SLIT3: variants seen among roughly 807,000 people sequenced by gnomAD.
SLIT3 encodes slit homolog 3 protein.
Under a neutral mutation model 184.0 loss-of-function variants are expected in SLIT3, and 68 were observed. The ratio of observed to expected loss-of-function variants is 0.37; its 90% confidence interval spans 0.30 to 0.45. The LOEUF is 0.45. Ranked by LOEUF, SLIT3 falls within the 20% of genes least tolerant of loss-of-function variation. The probability of loss-of-function intolerance (pLI) is 1.00; values close to 1 mark genes in which losing one functional copy is unlikely to be tolerated. For synonymous variants in SLIT3, 831 were observed against 828.6 expected, an observed-to-expected ratio of 1.00 and a Z score of -0.05; for missense variants, 1,707 against 2,026.0, an observed-to-expected ratio of 0.84 and a Z score of 3.02.
intron 9 of SLIT3, among the ~76,000 whole-genome samples, chr5:168,796,896 C>G (rs1253980915): frequency 6.6e-6 from 1 of 151,882 alleles, no homozygotes; most frequent in Non-Finnish European, 1.5e-5. Flanking sequence ...ACAGACAAAT[C>G]ACTCTCCAGG....
intron 4 of SLIT3, among the ~76,000 whole-genome samples, chr5:168,897,647 T>TGCGCACACACACACACACACACACAC (rs3223457): frequency 7.8e-5 from 11 of 141,412 alleles, no homozygotes; most frequent in African/African-American, 2.1e-4. Flanking sequence ...CAGGTGCACG[T>TGCGCACACACACACACACACACACAC]ACACACACAC....
rs150386652 is a variant in SLIT3, at chr5:168,744,171, C to A, written c.2270+4131G>T. On this transcript the variant is annotated intron_variant, in intron 20 of 35. Transcript: ENST00000519560. ...GGGCGTGGTGGCGGGCTCCTGTAGTCCCAGCTAAGGGGGAGGCTGAGGCAG... is the reference window on the plus strand; with the variant it reads ...GGGCGTGGTGGCGGGCTCCTGTAGTACCAGCTAAGGGGGAGGCTGAGGCAG... Among the ~76,000 whole-genome samples, 10 of 152,254 alleles carry A rather than the reference C, an allele frequency of 6.6e-5. No homozygotes were observed. The East Asian group carries it at 1.9e-3, about 29-fold the overall frequency.
At chr5:169,019,801 T>C (rs1756529595) in intron 4 of SLIT3, among the ~76,000 whole-genome samples, 5 of 152,264 alleles carry the variant, frequency 3.3e-5, no homozygotes, top group Admixed American at 3.3e-4. Flanking sequence ...AACATTTCTC[T>C]TTTATAAAGG....
chr5:169,122,513 T>C (rs1214529714), intron 4 of SLIT3, among the ~76,000 whole-genome samples: 1 of 152,164 alleles, frequency 6.6e-6, no homozygotes, highest in East Asian at 1.9e-4. Context: ...ACTTTTTGTT[T>C]ACCAGGTGTT....
chr5:168,809,924 T>C (rs989598797), intron 8 of SLIT3, among the ~76,000 whole-genome samples: 1 of 152,164 alleles, frequency 6.6e-6, no homozygotes, highest in African/African-American at 2.4e-5. Context: ...GGAGTGGCCG[T>C]GGGAGATGGG....
rs867172809 is a variant in SLIT3, at chr5:169,130,405, G to T, written c.413+63074C>A. Among the ~76,000 whole-genome samples the T allele has an allele frequency of 5.0e-4, 76 of 152,338 alleles. 2 individuals are homozygous for T. The highest frequency in any genetic ancestry group is 6.8e-3 in the Middle Eastern group (2 of 294). On this transcript the variant is annotated intron_variant, in intron 4 of 35. Transcript: ENST00000519560. ...GAAAGAGCTGAGATAACAGTGAGAT[G>T]ATCTGATTCAAAACTCCCTTGTTCT...
At chr5:168,970,040 G>T (rs1754511376) in intron 4 of SLIT3, among the ~76,000 whole-genome samples, 1 of 152,204 alleles carries the variant, frequency 6.6e-6, no homozygotes, top group South Asian at 2.1e-4. Flanking sequence ...AATTAGCCGG[G>T]TGTGGTGGCA....
chr5:169,005,048 T>A (rs1211704353), intron 4 of SLIT3, among the ~76,000 whole-genome samples: 1 of 152,230 alleles, frequency 6.6e-6, no homozygotes, highest in Admixed American at 6.5e-5. Flanking sequence ...TGGTGTCATG[T>A]TTTCCAACAG....
At chr5:168,706,718 G>A (rs1442895750) in intron 26 of SLIT3, 1 of 152,188 alleles carries the variant, frequency 6.6e-6, no homozygotes, top group East Asian at 1.9e-4. Context: ...GCTTCAAAGG[G>A]AATCCTTTGG....
chr5:168,756,859 G>A (rs951355487), intron 16 of SLIT3, among the ~76,000 whole-genome samples: 1 of 152,132 alleles, frequency 6.6e-6, no homozygotes, highest in Non-Finnish European at 1.5e-5. Context: ...AAGTGGGAGG[G>A]TTCCCATTTC....
At chr5:168,783,275 CT>C (rs1228125490) in intron 12 of SLIT3, among the ~76,000 whole-genome samples, 1 of 87,566 alleles carries the variant, frequency 1.1e-5, no homozygotes, top group East Asian at 3.1e-4. Context: ...GCCGCAGCCT[CT>C]AAAAAAACGG....
intron 20 of SLIT3, among the ~76,000 whole-genome samples, chr5:168,726,792 G>A (rs1259098524): frequency 7.1e-6 from 1 of 140,732 alleles, no homozygotes; most frequent in Non-Finnish European, 1.6e-5. Context: ...GGCCAACATG[G>A]TGAAACCCCC....
At chr5:169,142,088 T>A (rs397833218) in intron 4 of SLIT3, among the ~76,000 whole-genome samples, 2 of 42,970 alleles carry the variant, frequency 4.7e-5, no homozygotes, top group Admixed American at 1.9e-4. Context: ...TAAAAATAAA[T>A]AAATAAATAA....
intron 4 of SLIT3, among the ~76,000 whole-genome samples, chr5:168,976,110 T>G (rs867882253): frequency 1.3e-5 from 2 of 152,208 alleles, no homozygotes; most frequent in Admixed American, 6.5e-5. Context: ...GTGCTTTCAT[T>G]CATGATCTCA....
intron 4 of SLIT3, among the ~76,000 whole-genome samples, chr5:169,118,889 T>A (rs968265012): frequency 6.6e-6 from 1 of 152,224 alleles, no homozygotes; most frequent in Non-Finnish European, 1.5e-5. Context: ...ACATAATTTT[T>A]AATTTTTTTT....
intron 12 of SLIT3, among the ~76,000 whole-genome samples, chr5:168,778,338 T>A (rs1755834805): frequency 6.6e-6 from 1 of 152,360 alleles, no homozygotes; most frequent in African/African-American, 2.4e-5. Context: ...CCTGTTTCAC[T>A]CCAAAGCCAT....
intron 4 of SLIT3, among the ~76,000 whole-genome samples, chr5:169,092,753 A>T (rs906108215): frequency 1.3e-5 from 2 of 151,992 alleles, no homozygotes; most frequent in Non-Finnish European, 2.9e-5. Context: ...CCTTCTCTCC[A>T]TCCTGTCCCT....
chr5:168,760,783 T>C, intron 16 of SLIT3, 79 bp downstream of exon 16: 1 of 1,046,674 alleles, frequency 9.6e-7, no homozygotes, highest in Non-Finnish European at 1.5e-6. Context: ...GAGAGGCCGG[T>C]CCCCTGGTTC....
At chr5:169,244,250 T>A (rs537479439) in intron 3 of SLIT3, among the ~76,000 whole-genome samples, 1 of 152,326 alleles carries the variant, frequency 6.6e-6, no homozygotes, top group South Asian at 2.1e-4. Context: ...CACCAGTCCT[T>A]CCTCTCCCCG....
Sources: gnomAD v4.1 joint callset for allele counts (sites outside exome capture counted in the v4.1 genomes callset) on GRCh38, gnomAD v4.1.1 for gene constraint, MANE v1.5 for transcripts, NCBI Gene and HGNC (gene_info 2026-07-23, HGNC 2026-07-21) for gene names.